Variants in TACC2 observed in about 807,000 individuals in gnomAD.
The protein encoded by TACC2 is transforming acidic coiled-coil-containing protein 2.
A neutral mutation model predicts 227.3 loss-of-function variants in TACC2; 137 were observed. The observed-to-expected ratio is 0.60, with a 90% CI of 0.52 to 0.69. The LOEUF (loss-of-function observed/expected upper bound fraction) is 0.69. Ranked by LOEUF, TACC2 falls within the 30% of genes least tolerant of loss-of-function variation. TACC2 has a pLI of 0.00. For missense variants in TACC2, 3,470 were observed against 3,694.4 expected (o/e 0.94, Z 1.57); for synonymous variants, 1,523 against 1,487.5 (o/e 1.02, Z -0.55).
At chr10:122,215,538 A>G (rs963150185) in intron 10 of TACC2, 87 bp downstream of exon 10, 11 of 1,134,460 alleles carry the variant, frequency 9.7e-6, no homozygotes, top group East Asian at 2.4e-5. Flanking sequence ...CTTTCTGCTC[A>G]TCCCGGGCCT....
intron 11 of TACC2, among the ~76,000 whole-genome samples, chr10:122,219,883 C>T (rs1177981301): frequency 6.6e-6 from 1 of 151,716 alleles, no homozygotes; most frequent in African/African-American, 2.4e-5. Context: ...AGTAAAAATA[C>T]AAAAATTAGC....
rs189145772 is a variant in TACC2, at chr10:122,050,689, C to T, written c.146+139C>T. ...TATCGTCCTCAGTGGTGAGATGTTC[C>T]AAGCAGTGGTTCACAGACCTCTCTG... On this transcript the variant is annotated intron_variant, in intron 3 of 22. Coordinates refer to ENST00000369005, the MANE Select transcript of TACC2 (RefSeq NM_206862.4). This position sits in a 1 kb window ranked among gnomAD's most constrained non-coding sequence, Gnocchi z 4.6. 3 of 656,100 alleles carry T rather than the reference C, an allele frequency of 4.6e-6. No homozygotes were observed. The highest frequency in any genetic ancestry group is 5.3e-6 in the Non-Finnish European group (2 of 374,928). The allele number at this position is 656,100 out of a possible 1,614,324, so 40.6% of individuals were successfully genotyped here. A position where few individuals can be genotyped will look rare whatever the true frequency, so the allele number is the denominator to read the frequency against.
intron 1 of TACC2, among the ~76,000 whole-genome samples, chr10:122,019,438 C>T (rs147432819): frequency 1.6e-3 from 238 of 152,332 alleles, no homozygotes; most frequent in African/African-American, 5.1e-3. Flanking sequence ...GGTTTGTTCC[C>T]GGCCCGACTG....
At chr10:122,108,743 CT>C (rs947664031) in intron 5 of TACC2, among the ~76,000 whole-genome samples, 1 of 138,122 alleles carries the variant, frequency 7.2e-6, no homozygotes, top group Non-Finnish European at 1.6e-5. Flanking sequence ...GCCCGGTCTT[CT>C]TTTTTTCTTT....
chr10:122,136,027 T>C (rs2138991755), intron 6 of TACC2, among the ~76,000 whole-genome samples: 1 of 152,314 alleles, frequency 6.6e-6, no homozygotes, highest in African/African-American at 2.4e-5. Context: ...CTGGTGGCTG[T>C]GAATTCAATG....
chr10:122,232,122 G>A (rs1001139838), intron 16 of TACC2, among the ~76,000 whole-genome samples: 2 of 152,248 alleles, frequency 1.3e-5, no homozygotes, highest in South Asian at 2.1e-4. Context: ...GGATGTCCTC[G>A]TTCTTGTTGC....
At chr10:122,253,176 T>C (rs1343189857) in intron 22 of TACC2, among the ~76,000 whole-genome samples, 5 of 152,158 alleles carry the variant, frequency 3.3e-5, no homozygotes, top group Non-Finnish European at 5.9e-5. Flanking sequence ...CATGGGAATC[T>C]CAAGGAAAAG....
chr10:122,192,537 G>A, intron 7 of TACC2: 3 of 380,348 alleles, frequency 7.9e-6, no homozygotes, highest in South Asian at 5.7e-5. Flanking sequence ...GGGGCCTCCG[G>A]ACGCTGGAGA....
chr10:122,166,147 G>A (rs985099207), intron 7 of TACC2, among the ~76,000 whole-genome samples: 12 of 152,180 alleles, frequency 7.9e-5, no homozygotes, highest in East Asian at 1.9e-4. Flanking sequence ...CGCACCTGCC[G>A]CGGGGGACAG....
chr10:122,163,898 T>C, intron 7 of TACC2: 1 of 1,555,170 alleles, frequency 6.4e-7, no homozygotes, highest in Non-Finnish European at 8.7e-7. Context: ...CGCTCGCGGC[T>C]AGCTTGCACG....
At position 121,997,728 on chromosome 10, in the gene TACC2, C is replaced by T. The variant is rs527766309; in HGVS notation, c.-46+8240C>T. Among the ~76,000 whole-genome samples the T allele has an allele frequency of 1.7e-4, 26 of 152,260 alleles. No homozygotes were observed. The South Asian group carries it at 3.3e-3, about 19-fold the overall frequency. On this transcript the variant is annotated intron_variant, in intron 1 of 22. Coordinates refer to ENST00000369005, the MANE Select transcript of TACC2 (RefSeq NM_206862.4). ...ACTGCATGCAAGGGCACATGCTTAA[C>T]GGCCAGGGACATGCTGGGGTAGGGG...
At position 122,209,344 on chromosome 10, in the gene TACC2, C is replaced by T. The variant is rs531011481; in HGVS notation, c.5972-1053C>T. On this transcript the variant is annotated intron_variant, in intron 8 of 22. Coordinates refer to ENST00000369005, the MANE Select transcript of TACC2 (RefSeq NM_206862.4). This position sits in a 1 kb window ranked among gnomAD's most constrained non-coding sequence, Gnocchi z 4.5. ...AGTCAAGAACAGGCTTGCTGGTGGCCGTGGCTAGTATGAATATTTATGGAA... is the reference window on the plus strand; with the variant it reads ...AGTCAAGAACAGGCTTGCTGGTGGCTGTGGCTAGTATGAATATTTATGGAA... Among the ~76,000 whole-genome samples the T allele has an allele frequency of 5.6e-4, 86 of 152,272 alleles. No homozygotes were observed. The highest frequency in any genetic ancestry group is 1.9e-3 in the African/African-American group (77 of 41,544).
At chr10:122,148,451 C>T (rs1181747416) in intron 7 of TACC2, among the ~76,000 whole-genome samples, 2 of 152,240 alleles carry the variant, frequency 1.3e-5, no homozygotes, top group Non-Finnish European at 1.5e-5. Flanking sequence ...TTTGGAAATA[C>T]GTCTTCCATG....
intron 2 of TACC2, among the ~76,000 whole-genome samples, chr10:122,031,248 A>G (rs999198938): frequency 9.9e-5 from 15 of 152,070 alleles, no homozygotes; most frequent in Non-Finnish European, 1.5e-4. Context: ...CAGAGATTCA[A>G]AAGATGGCTC....
At chr10:122,008,264 A>ATTATTATTATTATTTATT in intron 1 of TACC2, among the ~76,000 whole-genome samples, 4 of 134,654 alleles carry the variant, frequency 3.0e-5, no homozygotes, top group African/African-American at 1.1e-4. Flanking sequence ...TATTATTATT[A>ATTATTATTATTATTTATT]TTTTTTTTTT....
rs959165579 is a variant in TACC2 at position 122,110,267 on chromosome 10, CCAAGACCGCA to C, written c.5573+21681_5573+21690del. Among the ~76,000 whole-genome samples the C allele has an allele frequency of 3.4e-4, 51 of 152,186 alleles. 1 individual carries two copies. Among genetic ancestry groups the C allele is most frequent in the Non-Finnish European group, 1.5e-5 (1 of 68,044 alleles). The stretch of plus-strand genomic sequence containing the variant: ...CAGTCTTCAGTAGATTCCAGGTATC[CCAAGACCGCA>C]CAAGCCTGCATCTTTCCTCCTCTGT... On this transcript the variant is annotated intron_variant, in intron 5 of 22. Coordinates refer to ENST00000369005, the MANE Select transcript of TACC2 (RefSeq NM_206862.4).
intron 19 of TACC2, chr10:122,246,566 G>C (rs1439924369): frequency 6.6e-6 from 1 of 152,186 alleles, no homozygotes; most frequent in Non-Finnish European, 1.5e-5. Flanking sequence ...CATTTTCTCA[G>C]TGAACAGTGA....
chr10:122,108,169 G>A (rs2083108540), intron 5 of TACC2, among the ~76,000 whole-genome samples: 1 of 151,694 alleles, frequency 6.6e-6, no homozygotes, highest in Non-Finnish European at 1.5e-5. Flanking sequence ...GAGATTACAG[G>A]CGTGAGCCAC....
At chr10:122,021,023 A>G (rs1957266587) in intron 1 of TACC2, among the ~76,000 whole-genome samples, 1 of 152,146 alleles carries the variant, frequency 6.6e-6, no homozygotes, top group South Asian at 2.1e-4. Context: ...CGAGGTCAGG[A>G]GTTCAAGACC....
Sources: allele counts gnomAD v4.1 joint callset (sites outside exome capture counted in the v4.1 genomes callset), GRCh38; gene constraint gnomAD v4.1.1; non-coding constraint Gnocchi (gnomAD v3.1); transcripts MANE v1.5; gene names NCBI Gene and HGNC (gene_info 2026-07-23, HGNC 2026-07-21).